SGCZ: variants seen among roughly 807,000 people sequenced by gnomAD.
The protein encoded by SGCZ is zeta-sarcoglycan.
In SGCZ, 40 loss-of-function variants were observed where a neutral mutation model predicts 41.3. The ratio of observed to expected loss-of-function variants is 0.97; its 90% CI spans 0.75 to 1.26. The LOEUF (loss-of-function observed/expected upper bound fraction) is 1.26. Ranked by LOEUF, SGCZ falls within the 50% of genes most tolerant of loss-of-function variation. The pLI, the probability that SGCZ is intolerant of heterozygous loss-of-function variation, is 0.00. For synonymous variants in SGCZ, 206 were observed against 137.5 expected (o/e 1.50, Z -3.49); for missense variants, 552 against 369.8 (o/e 1.49, Z -4.04).
At chr8:14,903,972 G>A (rs537127604) in intron 1 of SGCZ, among the ~76,000 whole-genome samples, 70 of 151,982 alleles carry the variant, frequency 4.6e-4, no homozygotes, top group African/African-American at 1.3e-3. Flanking sequence ...GTAATATTTC[G>A]TAACAGGAAA....
At chr8:14,286,530 A>G (rs571284268) in intron 3 of SGCZ, among the ~76,000 whole-genome samples, 5 of 152,240 alleles carry the variant, frequency 3.3e-5, no homozygotes, top group African/African-American at 1.2e-4. Flanking sequence ...CCCGAGTTTA[A>G]ATGACAGCAG....
intron 1 of SGCZ, among the ~76,000 whole-genome samples, chr8:15,167,951 C>T (rs960934351): frequency 3.9e-5 from 6 of 152,150 alleles, no homozygotes; most frequent in African/African-American, 9.7e-5. Context: ...CATCACTTGG[C>T]GGTTTCTTTT....
intron 1 of SGCZ, among the ~76,000 whole-genome samples, chr8:14,616,898 A>T (rs1455958535): frequency 6.6e-6 from 1 of 152,166 alleles, no homozygotes; most frequent in South Asian, 2.1e-4. Context: ...ATTTAGTTGG[A>T]AAGTTACAGC....
chr8:14,124,074 G>A (rs1002173324), intron 5 of SGCZ, among the ~76,000 whole-genome samples: 4 of 152,014 alleles, frequency 2.6e-5, no homozygotes, highest in Admixed American at 2.0e-4. Context: ...GCTCAGACCA[G>A]GAATCACCTT....
intron 4 of SGCZ, among the ~76,000 whole-genome samples, chr8:14,200,991 T>C (rs532871751): frequency 1.1e-4 from 17 of 152,188 alleles, no homozygotes; most frequent in African/African-American, 3.4e-4. Context: ...CAAACAGATA[T>C]TGCATTAAAA....
At chr8:15,182,971 A>T (rs774974929) in intron 1 of SGCZ, among the ~76,000 whole-genome samples, 1 of 152,200 alleles carries the variant, frequency 6.6e-6, no homozygotes, top group Non-Finnish European at 1.5e-5. Flanking sequence ...AAACAAAGAC[A>T]CACACACATT....
intron 1 of SGCZ, among the ~76,000 whole-genome samples, chr8:14,756,023 A>T (rs1302344627): frequency 6.6e-6 from 1 of 152,182 alleles, no homozygotes; most frequent in African/African-American, 2.4e-5. Context: ...AAGAAGAGTG[A>T]AAAAACAAAC....
chr8:15,213,059 A>G (rs1435375433), intron 1 of SGCZ, among the ~76,000 whole-genome samples: 1 of 152,044 alleles, frequency 6.6e-6, no homozygotes, highest in South Asian at 2.1e-4. Flanking sequence ...ATTTAATACC[A>G]TATTTTCACT....
chr8:14,554,654 G>C, intron 2 of SGCZ, 78 bp downstream of exon 2: 5 of 1,175,578 alleles, frequency 4.3e-6, no homozygotes, highest in Non-Finnish European at 5.9e-6. Context: ...AATAACTTTT[G>C]ATTAAAAAAT....
intron 1 of SGCZ, among the ~76,000 whole-genome samples, chr8:15,172,164 T>TATTTTTTTATTTA (rs10643012): frequency 9.2e-6 from 1 of 108,568 alleles, no homozygotes. Context: ...GTTTTTTTTT[T>TATTTTTTTATTTA]TTTTTTTTTT....
chr8:14,366,624 C>T (rs1396397758), intron 2 of SGCZ, among the ~76,000 whole-genome samples: 1 of 152,074 alleles, frequency 6.6e-6, no homozygotes, highest in Admixed American at 6.6e-5. Flanking sequence ...ATCATTTCAG[C>T]ATTCACACAA....
At chr8:14,841,792 T>C (rs1802925338) in intron 1 of SGCZ, among the ~76,000 whole-genome samples, 2 of 152,182 alleles carry the variant, frequency 1.3e-5, no homozygotes, top group African/African-American at 4.8e-5. Flanking sequence ...TTTTATGCAA[T>C]GTTGTCATCT....
At chr8:14,318,199 C>T (rs73209864) in intron 3 of SGCZ, among the ~76,000 whole-genome samples, 17,436 of 149,588 alleles carry the variant, frequency 0.12, 1,325 homozygotes, top group Non-Finnish European at 0.17. Flanking sequence ...AGAGGAAAGG[C>T]GGGAAAGGGG....
At chr8:14,249,930 G>A (rs1345740644) in intron 3 of SGCZ, among the ~76,000 whole-genome samples, 3 of 152,222 alleles carry the variant, frequency 2.0e-5, no homozygotes, top group African/African-American at 7.2e-5. Context: ...TGTGTGGTGG[G>A]CAAACATTAA....
chr8:14,482,072 A>C (rs1257621429), intron 2 of SGCZ, among the ~76,000 whole-genome samples: 2 of 152,150 alleles, frequency 1.3e-5, no homozygotes, highest in East Asian at 3.9e-4. Flanking sequence ...CGAGTATCTT[A>C]AATTTAAGGT....
chr8:14,526,754 T>C (rs1802961881), intron 2 of SGCZ, among the ~76,000 whole-genome samples: 1 of 152,106 alleles, frequency 6.6e-6, no homozygotes, highest in African/African-American at 2.4e-5. Context: ...TGTGCGTACT[T>C]CATTCTTCTG....
chr8:14,091,750 T>C (rs1801695037), intron 7 of SGCZ, among the ~76,000 whole-genome samples: 1 of 152,204 alleles, frequency 6.6e-6, no homozygotes, highest in Admixed American at 6.5e-5. Context: ...GATGGACAGA[T>C]TGCAAAAATT....
intron 3 of SGCZ, among the ~76,000 whole-genome samples, chr8:14,246,130 A>G (rs1799079056): frequency 6.6e-6 from 1 of 152,250 alleles, no homozygotes; most frequent in African/African-American, 2.4e-5. Flanking sequence ...TCATGCTGCT[A>G]TAAAGACACA....
At chr8:15,190,100 A>AC (rs1296673613) in intron 1 of SGCZ, among the ~76,000 whole-genome samples, 5 of 151,954 alleles carry the variant, frequency 3.3e-5, no homozygotes, top group Admixed American at 2.6e-4. Flanking sequence ...ACCTTCACAA[A>AC]CCCATGGTTT....
Sources: allele counts gnomAD v4.1 joint callset (sites outside exome capture counted in the v4.1 genomes callset), GRCh38; gene constraint gnomAD v4.1.1; transcripts MANE v1.5; gene names NCBI Gene and HGNC (gene_info 2026-07-23, HGNC 2026-07-21).